ARFGAP3: variants seen among roughly 807,000 people sequenced by gnomAD.
ARFGAP3 encodes ADP-ribosylation factor GTPase-activating protein 3.
In ARFGAP3, 72 loss-of-function variants were observed where a neutral mutation model predicts 75.0. The observed-to-expected ratio is 0.96, with a 90% CI of 0.79 to 1.17. The LOEUF is 1.17. ARFGAP3 is among the 50% of genes most tolerant of loss of function. The pLI is 0.00. For synonymous variants in ARFGAP3, 221 were observed against 217.9 expected, an observed-to-expected ratio of 1.01 and a Z score of -0.13; for missense variants, 620 against 626.6, an observed-to-expected ratio of 0.99 and a Z score of 0.11.
chr22:42,850,565 T>C (rs1184948563), intron 1 of ARFGAP3, among the ~76,000 whole-genome samples: 1 of 92,776 alleles, frequency 1.1e-5, no homozygotes, highest in Non-Finnish European at 1.9e-5. Context: ...AGTGAGACCC[T>C]GCTATCAAAA....
chr22:42,829,682 TA>T (rs1359876803), intron 6 of ARFGAP3, among the ~76,000 whole-genome samples: 2 of 152,222 alleles, frequency 1.3e-5, no homozygotes, highest in African/African-American at 4.8e-5. Context: ...CACTTTAAAG[TA>T]TTTTTTCAAA....
chr22:42,842,881 A>G (rs551248756), intron 2 of ARFGAP3, among the ~76,000 whole-genome samples: 1 of 152,248 alleles, frequency 6.6e-6, no homozygotes, highest in African/African-American at 2.4e-5. Flanking sequence ...GCAGGAGCCC[A>G]GATTCTGCCC....
At chr22:42,847,661 A>G (rs1275776023) in intron 1 of ARFGAP3, 29 bp from the exon 2 acceptor site, 2 of 1,606,016 alleles carry the variant, frequency 1.2e-6, no homozygotes, top group Middle Eastern at 1.7e-4. Context: ...TTCAGTTACT[A>G]ATTTATGTTA....
intron 2 of ARFGAP3, among the ~76,000 whole-genome samples, chr22:42,843,659 C>T (rs372652634): frequency 1.3e-5 from 2 of 152,234 alleles, no homozygotes; most frequent in African/African-American, 4.8e-5. Flanking sequence ...TCATGCATAA[C>T]TTTGCAGTCT....
At chr22:42,847,385 G>T in intron 2 of ARFGAP3, 129 bp downstream of exon 2, 1 of 731,798 alleles carries the variant, frequency 1.4e-6, no homozygotes, top group Non-Finnish European at 2.3e-6. Context: ...AGCTATGATG[G>T]CACTCCTGCA....
At chr22:42,837,558 T>A (rs1926573587) in intron 3 of ARFGAP3, among the ~76,000 whole-genome samples, 1 of 138,314 alleles carries the variant, frequency 7.2e-6, no homozygotes, top group Non-Finnish European at 1.5e-5. Flanking sequence ...AAGTTGAGGC[T>A]GCAGTGAGCT....
intron 1 of ARFGAP3, among the ~76,000 whole-genome samples, chr22:42,856,607 C>G (rs1397571341): frequency 6.6e-6 from 1 of 152,240 alleles, no homozygotes; most frequent in Non-Finnish European, 1.5e-5. Context: ...AAAGCGTAGA[C>G]TACTCGGCAA....
intron 15 of ARFGAP3, chr22:42,797,812 C>G (rs1051356715): frequency 1.1e-6 from 1 of 886,432 alleles, no homozygotes; most frequent in African/African-American, 1.8e-5. Flanking sequence ...CAGAACCCAA[C>G]AGGATTCACA....
chr22:42,799,148 A>T lies in ARFGAP3; in HGVS notation c.1424T>A (p.Leu475Gln). 1 of 1,614,138 alleles carries T rather than the reference A, an allele frequency of 6.2e-7. No individual in the cohort carries two copies. Among genetic ancestry groups the T allele is most frequent in the Non-Finnish European group, 8.5e-7 (1 of 1,180,012 alleles). The stretch of plus-strand genomic sequence containing the variant: ...GGGGGCGTTGGGCAGCACACTGGAC[A>T]GGCTGTAGTTCCCTGCACACACACA... ...PRKQPAGNYS[L>Q]SSVLPNAPDM... The change falls in exon 15 of 16, where the codon CTG becomes CAG. Residue 475 changes from leucine to glutamine, a missense_variant. By Grantham distance (113) the Leu-to-Gln change is moderately radical. Coordinates refer to ENST00000263245, the MANE Select transcript of ARFGAP3 (RefSeq NM_014570.5).
chr22:42,827,820 A>T (rs975996012), intron 6 of ARFGAP3, among the ~76,000 whole-genome samples: 1 of 152,100 alleles, frequency 6.6e-6, no homozygotes, highest in Non-Finnish European at 1.5e-5. Context: ...ACAGTGGCTC[A>T]CACCTGTAAT....
At position 42,799,195 on chromosome 22, in the gene ARFGAP3, C is replaced by T. The variant is rs373734919; in HGVS notation, c.1412-35G>A. 2.1e-5 allele frequency: 33 copies of T among 1,608,372 alleles called. No homozygotes were observed. In the Admixed American group the frequency reaches 5.2e-4, roughly 25 times the overall value. ...CACAGCAGACACTGTCTCATCACTG[C>T]CCTGGCCACAGCTGCGGCAAACCCA... On this transcript the variant is annotated intron_variant, in intron 14 of 15. Coordinates refer to ENST00000263245, the MANE Select transcript of ARFGAP3 (RefSeq NM_014570.5).
chr22:42,810,180 A>G (rs1925302067), intron 12 of ARFGAP3, among the ~76,000 whole-genome samples: 1 of 152,000 alleles, frequency 6.6e-6, no homozygotes, highest in Non-Finnish European at 1.5e-5. Flanking sequence ...ATTTAAAATC[A>G]AAACAGGCTG....
Position 42,847,503 on chromosome 22 carries a change from G to T in ARFGAP3, c.188+11C>A, listed in dbSNP as rs755663135. 8 of 1,603,326 alleles carry T rather than the reference G, an allele frequency of 5.0e-6. No homozygotes were observed. The highest frequency in any genetic ancestry group is 6.8e-6 in the Non-Finnish European group (8 of 1,171,164). On this transcript the variant is annotated intron_variant, in intron 2 of 15. Transcript: ENST00000263245. ...AATCAATCTCACCCCAATGAGAGAA[G>T]ATTCACTTACCGAATAAAACTCAAG...
intron 14 of ARFGAP3, among the ~76,000 whole-genome samples, chr22:42,801,898 G>A (rs933383312): frequency 6.6e-5 from 10 of 152,142 alleles, no homozygotes; most frequent in Non-Finnish European, 1.0e-4. Context: ...TTGCGGGGCT[G>A]TCTGGGGGAA....
In ARFGAP3 at chr22:42,840,415, G is replaced by A. The variant is rs553506987; in HGVS notation, c.261+529C>T. Among the ~76,000 whole-genome samples the A allele has an allele frequency of 2.0e-5, 3 of 151,834 alleles. No homozygotes were observed. In the East Asian group the frequency reaches 5.8e-4, roughly 30 times the overall value. On this transcript the variant is annotated intron_variant, in intron 3 of 15. Transcript: ENST00000263245. The stretch of plus-strand genomic sequence containing the variant: ...AACTTTCAAGTATTGAACTCTTTTT[G>A]TTTGTTTGTTTGTTTTTTTGGGATG...
chr22:42,836,243 C>T (rs1453701124), intron 3 of ARFGAP3, among the ~76,000 whole-genome samples: 1 of 152,102 alleles, frequency 6.6e-6, no homozygotes, highest in Non-Finnish European at 1.5e-5. Context: ...TCACAAAGTG[C>T]TGGATTACAG....
intron 10 of ARFGAP3, 80 bp from the exon 11 acceptor site, chr22:42,817,344 G>A (rs764085365): frequency 2.7e-6 from 4 of 1,499,900 alleles, no homozygotes; most frequent in Non-Finnish European, 3.6e-6. Flanking sequence ...TTTAATTTAT[G>A]TTTTGAACAA....
chr22:42,846,032 C>T (rs889976386), intron 2 of ARFGAP3, among the ~76,000 whole-genome samples: 8 of 99,554 alleles, frequency 8.0e-5, no homozygotes, highest in African/African-American at 2.6e-4. Context: ...GAGCAAAACT[C>T]CATCTCAAAA....
intron 11 of ARFGAP3, among the ~76,000 whole-genome samples, chr22:42,816,201 G>A (rs1925572089): frequency 2.0e-5 from 3 of 152,178 alleles, no homozygotes; most frequent in Non-Finnish European, 2.9e-5. Context: ...GCTAAACATA[G>A]TAAGAGCCAA....
Sources: gnomAD v4.1 joint callset for allele counts (sites outside exome capture counted in the v4.1 genomes callset) on GRCh38, gnomAD v4.1.1 for gene constraint, MANE v1.5 for transcripts, NCBI Gene and HGNC (gene_info 2026-07-23, HGNC 2026-07-21) for gene names.